Variants in TXLNB observed in about 807,000 individuals in gnomAD.
The protein encoded by TXLNB is beta-taxilin.
In TXLNB, 37 loss-of-function variants were observed where a neutral mutation model predicts 57.4. The ratio of observed to expected loss-of-function variants is 0.64; its 90% confidence interval spans 0.50 to 0.85. The LOEUF (loss-of-function observed/expected upper bound fraction) is 0.85, where lower values mean the gene tolerates loss of function less well. Among genes scored for constraint, TXLNB ranks in the 40% least tolerant of loss-of-function variants. TXLNB has a pLI of 0.00. For synonymous variants in TXLNB, 302 were observed against 309.6 expected (o/e 0.98, Z 0.26); for missense variants, 848 against 825.6 (o/e 1.03, Z -0.33).
At chr6:139,188,406 T>C in the TXLNB span, among the ~76,000 whole-genome samples, 1 of 152,194 alleles carries the variant, frequency 6.6e-6, no homozygotes, top group Non-Finnish European at 1.5e-5. Flanking sequence ...AACTGAGACC[T>C]GTGCTCAAAA....
At chr6:139,217,003 A>G in the TXLNB span, among the ~76,000 whole-genome samples, 10 of 152,310 alleles carry the variant, frequency 6.6e-5, no homozygotes, top group Middle Eastern at 3.4e-3. Context: ...CGTGTACCCC[A>G]AAAACTATTG....
the TXLNB span, among the ~76,000 whole-genome samples, chr6:139,198,047 A>T: frequency 6.6e-6 from 1 of 152,204 alleles, no homozygotes; most frequent in African/African-American, 2.4e-5. Flanking sequence ...GGGGACAAAC[A>T]TTCAAACCAT....
At chr6:139,293,281 G>A (rs544747305), upstream of TXLNB, among the ~76,000 whole-genome samples, 40 of 152,066 alleles carry the variant, frequency 2.6e-4, no homozygotes, top group Non-Finnish European at 4.6e-4. Flanking sequence ...TAGTAGAGAC[G>A]GGGTTTCGCT....
At chr6:139,230,534 G>C in the TXLNB span, among the ~76,000 whole-genome samples, 1 of 152,196 alleles carries the variant, frequency 6.6e-6, no homozygotes. Context: ...CTCCGCTTAG[G>C]CAGGCCAGAA....
chr6:139,207,527 A>T, the TXLNB span, among the ~76,000 whole-genome samples: 1 of 152,232 alleles, frequency 6.6e-6, no homozygotes, highest in Non-Finnish European at 1.5e-5. Flanking sequence ...TACATCAAAA[A>T]GTCTGAAAGA....
the TXLNB span, among the ~76,000 whole-genome samples, chr6:139,186,713 A>G: frequency 1.3e-5 from 2 of 152,224 alleles, no homozygotes; most frequent in Admixed American, 6.5e-5. Flanking sequence ...AAAAGAAACA[A>G]TCCAAATACC....
intron 6 of TXLNB, among the ~76,000 whole-genome samples, chr6:139,257,118 T>G (rs921087821): frequency 3.9e-5 from 6 of 152,096 alleles, no homozygotes; most frequent in African/African-American, 1.2e-4. Flanking sequence ...GTTCAGAGGG[T>G]TTTTTGTTTG....
At chr6:139,225,472 T>A in the TXLNB span, among the ~76,000 whole-genome samples, 1 of 152,276 alleles carries the variant, frequency 6.6e-6, no homozygotes, top group Middle Eastern at 3.4e-3. Context: ...GTGGATCTGA[T>A]GAAGTTGCTA....
At chr6:139,205,402 C>T in the TXLNB span, among the ~76,000 whole-genome samples, 190 of 152,178 alleles carry the variant, frequency 1.2e-3, no homozygotes, top group Middle Eastern at 3.4e-3. Context: ...GCTGGGATTA[C>T]GGGCTACTTA....
chr6:139,208,429 C>T, the TXLNB span, among the ~76,000 whole-genome samples: 1 of 152,100 alleles, frequency 6.6e-6, no homozygotes, highest in Non-Finnish European at 1.5e-5. Context: ...GGAATCCTTC[C>T]TAAATCATTC....
chr6:139,209,284 G>A, the TXLNB span, among the ~76,000 whole-genome samples: 6 of 152,102 alleles, frequency 3.9e-5, no homozygotes, highest in South Asian at 2.1e-4. Context: ...AAAACACTGC[G>A]GAAAGAAATC....
intron 5 of TXLNB, among the ~76,000 whole-genome samples, chr6:139,260,979 C>G (rs1229834343): frequency 6.6e-6 from 1 of 152,190 alleles, no homozygotes; most frequent in Non-Finnish European, 1.5e-5. Flanking sequence ...CCCCTGAATT[C>G]TACTCTGTTG....
chr6:139,279,596 A>G (rs1159844511), intron 2 of TXLNB, among the ~76,000 whole-genome samples: 1 of 152,226 alleles, frequency 6.6e-6, no homozygotes, highest in African/African-American at 2.4e-5. Flanking sequence ...CTAGGGTGCT[A>G]TGTGAAGTAA....
chr6:139,226,472 A>C, the TXLNB span, among the ~76,000 whole-genome samples: 59 of 152,278 alleles, frequency 3.9e-4, no homozygotes, highest in African/African-American at 1.4e-3. Context: ...AAAATTGATA[A>C]ATTCTTTTAA....
chr6:139,239,841 T>C (rs58044837), downstream of TXLNB, among the ~76,000 whole-genome samples: 20,378 of 148,034 alleles, frequency 0.14, 4,431 homozygotes, highest in African/African-American at 0.5. The surrounding 1 kb of genome is among the most constrained non-coding windows in gnomAD (Gnocchi z 4.7). Context: ...CTCCCTCCCT[T>C]TCTCTCTCTG....
chr6:139,167,922 T>C, the TXLNB span, among the ~76,000 whole-genome samples: 5 of 152,188 alleles, frequency 3.3e-5, no homozygotes, highest in Non-Finnish European at 7.3e-5. Flanking sequence ...AGCCATAAAT[T>C]GAATGACACG....
chr6:139,317,861 T>G, the TXLNB span, among the ~76,000 whole-genome samples: 1 of 152,278 alleles, frequency 6.6e-6, no homozygotes, highest in African/African-American at 2.4e-5. Flanking sequence ...CAGGATCACT[T>G]GAGGCCAGGA....
chr6:139,266,882 G>A (rs1315337011), intron 4 of TXLNB, among the ~76,000 whole-genome samples: 1 of 151,490 alleles, frequency 6.6e-6, no homozygotes, highest in Non-Finnish European at 1.5e-5. Context: ...TCACATATGG[G>A]GGAACAATAA....
At chr6:139,166,869 G>A in the TXLNB span, 7 of 1,613,978 alleles carry the variant, frequency 4.3e-6, no homozygotes, top group South Asian at 7.7e-5. Context: ...GCCCACTTCA[G>A]CGGCCCCCGC....
Sources: allele counts gnomAD v4.1 joint callset (sites outside exome capture counted in the v4.1 genomes callset), GRCh38; gene constraint gnomAD v4.1.1; non-coding constraint Gnocchi (gnomAD v3.1); transcripts MANE v1.5; gene names NCBI Gene and HGNC (gene_info 2026-07-23, HGNC 2026-07-21).